The following PCDHA7 variants were observed in gnomAD, a reference collection of about 807,000 sequenced individuals.
The protein encoded by PCDHA7 is protocadherin alpha-7.
In PCDHA7, 37 loss-of-function variants were observed where a neutral mutation model predicts 57.2. That is an observed-to-expected ratio of 0.65 (90% confidence interval 0.50 to 0.85). The LOEUF is 0.85. PCDHA7 is among the 40% of genes least tolerant of loss of function. The pLI is 0.00. For missense variants in PCDHA7, 1,188 were observed against 1,241.8 expected, an observed-to-expected ratio of 0.96 and a Z score of 0.65; for synonymous variants, 553 against 558.8, an observed-to-expected ratio of 0.99 and a Z score of 0.15.
chr5:141,006,356 C>T (rs1342790572), intron 3 of PCDHA7, among the ~76,000 whole-genome samples: 4 of 151,920 alleles, frequency 2.6e-5, no homozygotes, highest in South Asian at 2.1e-4. Flanking sequence ...GGACTATAGG[C>T]GCCCACCACC....
At chr5:140,939,119 C>A (rs1427966155) in intron 1 of PCDHA7, among the ~76,000 whole-genome samples, 9 of 152,170 alleles carry the variant, frequency 5.9e-5, no homozygotes, top group African/African-American at 1.7e-4. Flanking sequence ...TTTCACAATT[C>A]TGGAAGCTGG....
intron 1 of PCDHA7, among the ~76,000 whole-genome samples, chr5:140,945,549 G>A (rs246058): frequency 0.56 from 85,718 of 151,780 alleles, 24,784 homozygotes; most frequent in African/African-American, 0.69. Context: ...ACAAAAAAAT[G>A]AAGCTGAAGA....
chr5:140,850,743 T>C, intron 1 of PCDHA7: 1 of 1,597,890 alleles, frequency 6.3e-7, no homozygotes, highest in Non-Finnish European at 8.6e-7. Context: ...GAGTTGGTCG[T>C]ACTCGCAGCA....
At chr5:140,844,853 C>T (rs1215427504) in intron 1 of PCDHA7, among the ~76,000 whole-genome samples, 1 of 149,202 alleles carries the variant, frequency 6.7e-6, no homozygotes, top group Admixed American at 6.7e-5. Flanking sequence ...ACTGTTGGAC[C>T]TGCCTGGATA....
intron 3 of PCDHA7, among the ~76,000 whole-genome samples, chr5:140,989,450 T>C (rs1299416259): frequency 6.6e-6 from 1 of 152,208 alleles, no homozygotes; most frequent in Admixed American, 6.5e-5. Context: ...TTGTTTAGAA[T>C]TGTTAGGCTT....
intron 1 of PCDHA7, among the ~76,000 whole-genome samples, chr5:140,947,689 G>A (rs1276078725): frequency 2.0e-5 from 3 of 151,490 alleles, no homozygotes; most frequent in African/African-American, 4.8e-5. Context: ...GTCTCAGCAT[G>A]TTCTGTAGTT....
intron 1 of PCDHA7, among the ~76,000 whole-genome samples, chr5:140,907,407 C>G (rs1438882988): frequency 3.3e-5 from 5 of 152,168 alleles, no homozygotes; most frequent in African/African-American, 1.2e-4. Flanking sequence ...GTGTGGAATA[C>G]CACGATGGTG....
intron 1 of PCDHA7, among the ~76,000 whole-genome samples, chr5:140,931,584 AAC>A (rs1355868674): frequency 1.3e-5 from 2 of 152,054 alleles, no homozygotes; most frequent in Admixed American, 1.3e-4. Flanking sequence ...CATTCAGTTG[AAC>A]AGTCTTTTTC....
At chr5:140,919,166 GT>G (rs1382267419) in intron 1 of PCDHA7, among the ~76,000 whole-genome samples, 15 of 152,114 alleles carry the variant, frequency 9.9e-5, no homozygotes, top group Admixed American at 9.8e-4. Context: ...TATGTTTTTA[GT>G]TGCTATATCT....
rs373922357 is a variant in PCDHA7, at chr5:140,927,079, G to A, written c.2356-51870G>A. ...CTTTCGCTTCCTTTCCAGCCACCGC[G>A]AGCTCTACTTCGGGGTGGATCTACC... On this transcript the variant is annotated intron_variant, in intron 1 of 3. Transcript: ENST00000525929. 2.5e-6 allele frequency: 4 copies of A among 1,610,988 alleles called. No homozygotes were observed. The highest frequency in any genetic ancestry group is 2.5e-6 in the Non-Finnish European group (3 of 1,177,702).
rs146492633 is a variant in PCDHA7 at position 140,900,696 on chromosome 5, G to A, written c.2355+63958G>A. Among the ~76,000 whole-genome samples the A allele has an allele frequency of 2.2e-4, 33 of 152,256 alleles. No homozygotes were observed. The East Asian group carries it at 5.8e-3, about 27-fold the overall frequency. ...TTATCTCTTCAATATACTGATTTCC[G>A]TTCTTTTGGAAAGAAAGGAAATCCT... is the stretch of plus-strand genomic sequence containing the variant. On this transcript the variant is annotated intron_variant, in intron 1 of 3. Transcript: ENST00000525929.
At position 140,884,470 on chromosome 5, in the gene PCDHA7, G is replaced by A. The variant is rs1453696477; in HGVS notation, c.2355+47732G>A. The A allele has an allele frequency of 2.5e-6, 4 of 1,613,644 alleles. No homozygotes were observed. Among genetic ancestry groups the A allele is most frequent in the South Asian group, 2.2e-5 (2 of 91,036 alleles). On this transcript the variant is annotated intron_variant, in intron 1 of 3. Coordinates refer to ENST00000525929, the MANE Select transcript of PCDHA7 (RefSeq NM_018910.3). The stretch of plus-strand genomic sequence containing the variant: ...CGCCCACCGAGGGCGCGTGCGCGCC[G>A]GGCAAGCCCACTCTAGTGTGCTCCA...
rs2150475866 is a variant in PCDHA7 at position 140,850,252 on chromosome 5, GCGC to G, written c.2355+13517_2355+13519del. The G allele has an allele frequency of 1.9e-6, 3 of 1,593,828 alleles. 1 individual carries two copies. The Admixed American group carries it at 5.1e-5, about 27-fold the overall frequency. On this transcript the variant is annotated intron_variant, in intron 1 of 3. Transcript: ENST00000525929. ...AGCGAGATGGTGCTGCGGTCGGTGG[GCGC>G]CGGCGTAGTGGTGGGGAAGGTGCGC...
intron 1 of PCDHA7, among the ~76,000 whole-genome samples, chr5:140,948,738 A>T (rs1347138284): frequency 6.6e-6 from 1 of 151,488 alleles, no homozygotes; most frequent in African/African-American, 2.4e-5. Flanking sequence ...CTAGCTGAGA[A>T]TTTATCAATT....
chr5:140,869,320 G>T, intron 1 of PCDHA7: 1 of 1,613,846 alleles, frequency 6.2e-7, no homozygotes, highest in Non-Finnish European at 8.5e-7. Context: ...AACACATGGG[G>T]ACCTTCTGGA....
At chr5:140,993,460 T>A (rs1416332490) in intron 3 of PCDHA7, among the ~76,000 whole-genome samples, 1 of 104,506 alleles carries the variant, frequency 9.6e-6, no homozygotes, top group Non-Finnish European at 1.9e-5. Context: ...CTTCTTTCTT[T>A]CTCACACACA....
intron 1 of PCDHA7, chr5:140,870,136 A>G: frequency 6.2e-7 from 1 of 1,614,024 alleles, no homozygotes; most frequent in Non-Finnish European, 8.5e-7. Flanking sequence ...CACCAACGAT[A>G]ACTCTCCTGA....
In PCDHA7 at chr5:140,970,051, C is replaced by T. The variant is rs915260486; in HGVS notation, c.2356-8898C>T. 4.0e-5 allele frequency among the ~76,000 whole-genome samples: 6 copies of T among 151,880 alleles called. No individual in the cohort carries two copies. The South Asian group carries it at 1.2e-3, about 32-fold the overall frequency. On this transcript the variant is annotated intron_variant, in intron 1 of 3. Coordinates refer to ENST00000525929, the MANE Select transcript of PCDHA7 (RefSeq NM_018910.3). Reference sequence around the variant, plus strand: ...TTAAGTACCAATTTGTCTGGTTGGTCCAGGGAGGTATTAGAATGAGTGGAT... The same window carrying T: ...TTAAGTACCAATTTGTCTGGTTGGTTCAGGGAGGTATTAGAATGAGTGGAT...
intron 1 of PCDHA7, among the ~76,000 whole-genome samples, chr5:140,970,131 A>G (rs1554232260): frequency 6.6e-6 from 1 of 152,186 alleles, no homozygotes; most frequent in Non-Finnish European, 1.5e-5. Context: ...GAAGGAAGAG[A>G]AGGGAAAAAG....
Sources: gnomAD v4.1 joint callset for allele counts (sites outside exome capture counted in the v4.1 genomes callset) on GRCh38, gnomAD v4.1.1 for gene constraint, MANE v1.5 for transcripts, NCBI Gene and HGNC (gene_info 2026-07-23, HGNC 2026-07-21) for gene names.